The following ALOX5 variants were observed in gnomAD, a reference collection of about 807,000 sequenced individuals.
ALOX5 encodes polyunsaturated fatty acid 5-lipoxygenase.
A neutral mutation model predicts 87.9 loss-of-function variants in ALOX5; 64 were observed. That is an observed-to-expected ratio of 0.73 (90% CI 0.60 to 0.90). ALOX5 has a LOEUF of 0.90. Among genes scored for constraint, ALOX5 ranks in the 40% least tolerant of loss-of-function variants. The pLI is 0.00. For synonymous variants in ALOX5, 388 were observed against 355.1 expected (o/e 1.09, Z -1.04); for missense variants, 822 against 907.5 (o/e 0.91, Z 1.21).
rs1424670795 is a variant in ALOX5, at chr10:45,443,099, C to T, written c.1334C>T (p.Thr445Ile). 6.2e-7 allele frequency: 1 copy of T among 1,613,810 alleles called. No homozygotes were observed. The highest frequency in any genetic ancestry group is 1.3e-5 in the African/African-American group (1 of 75,056). Residue 445 changes from threonine (T) to isoleucine (I), a missense_variant, in exon 10 of 14, where the codon ACC becomes ATC. Transcript: ENST00000374391. ...GTGCAGAGGGCCATGAAGGACCTGA[C>T]CTATGCCTCCCTGTGCTTTCCCGAG... The part of the protein sequence containing the change: ...QMVQRAMKDL[T>I]YASLCFPEAI...
At chr10:45,408,988 G>A (rs1371490130) in intron 3 of ALOX5, among the ~76,000 whole-genome samples, 1 of 152,102 alleles carries the variant, frequency 6.6e-6, no homozygotes, top group Non-Finnish European at 1.5e-5. Flanking sequence ...TTTAAATTCA[G>A]CCTAAAAGTT....
At chr10:45,403,472 G>A (rs1452979804) in intron 3 of ALOX5, among the ~76,000 whole-genome samples, 2 of 152,186 alleles carry the variant, frequency 1.3e-5, no homozygotes, top group Admixed American at 6.5e-5. Context: ...GGGGATGGAA[G>A]GAGGGTTGAT....
intron 1 of ALOX5, among the ~76,000 whole-genome samples, chr10:45,376,335 G>A (rs1319941764): frequency 4.6e-5 from 7 of 151,698 alleles, no homozygotes; most frequent in Admixed American, 2.0e-4. Flanking sequence ...GGGGTGGGGC[G>A]GGGGGTGGTT....
Position 45,445,706 on chromosome 10 carries a change from T to A in ALOX5, c.*19T>A, listed in dbSNP as rs1842419158. On this transcript the variant is annotated 3_prime_UTR_variant, in exon 14 of 14. Coordinates refer to ENST00000374391, the MANE Select transcript of ALOX5 (RefSeq NM_000698.5). The stretch of plus-strand genomic sequence containing the variant: ...CATCTGAGCACACTGCCAGTCTCAC[T>A]GTGGGAAGGCCAGCTGCCCCAGCCA... The A allele has an allele frequency of 6.3e-7, 1 of 1,595,386 alleles. No homozygotes were observed.
chr10:45,421,456 C>T (rs531034927), intron 4 of ALOX5, among the ~76,000 whole-genome samples: 1 of 152,250 alleles, frequency 6.6e-6, no homozygotes, highest in Admixed American at 6.5e-5. Context: ...ACAGGGCTCT[C>T]GGGGCCTGCG....
intron 1 of ALOX5, among the ~76,000 whole-genome samples, chr10:45,374,668 C>T (rs1839524560): frequency 6.6e-6 from 1 of 152,206 alleles, no homozygotes; most frequent in Admixed American, 6.5e-5. Context: ...GCCGCGACCC[C>T]TGTCGGAAAC....
At position 45,446,028 on chromosome 10, in the gene ALOX5, C is replaced by A; in HGVS notation, c.*341C>A. ...TTTTCTGTTCTATTTGTGCTTAGTCCAATTCCTTGCACATAGTAGGTACCC... is the reference window on the plus strand; with the variant it reads ...TTTTCTGTTCTATTTGTGCTTAGTCAAATTCCTTGCACATAGTAGGTACCC... On this transcript the variant is annotated 3_prime_UTR_variant, in exon 14 of 14. Transcript: ENST00000374391. The A allele has an allele frequency of 3.4e-6, 1 of 291,582 alleles. No homozygotes were observed. Among genetic ancestry groups the A allele is most frequent in the East Asian group, 6.1e-5 (1 of 16,512 alleles). The allele number at this position is 291,582 out of a possible 1,614,324, so 18.1% of individuals were successfully genotyped here. A position where few individuals can be genotyped will look rare whatever the true frequency, so the allele number is the denominator to read the frequency against.
intron 6 of ALOX5, among the ~76,000 whole-genome samples, chr10:45,426,138 T>C (rs1488505369): frequency 6.6e-6 from 1 of 152,244 alleles, no homozygotes; most frequent in Non-Finnish European, 1.5e-5. Context: ...GTGGACTGAA[T>C]TGCTAGATGT....
chr10:45,441,702 G>T (rs1842240906), intron 9 of ALOX5: 4 of 467,468 alleles, frequency 8.6e-6, no homozygotes, highest in Non-Finnish European at 1.5e-5. Context: ...TGGGACCTGG[G>T]TGTAGACCCC....
At chr10:45,402,417 G>T (rs1231012402) in intron 3 of ALOX5, among the ~76,000 whole-genome samples, 7 of 152,136 alleles carry the variant, frequency 4.6e-5, no homozygotes, top group Non-Finnish European at 7.3e-5. Context: ...TGCTACGGAG[G>T]GCTCGGCTGA....
intron 2 of ALOX5, among the ~76,000 whole-genome samples, chr10:45,391,383 A>G (rs371752004): frequency 9.7e-5 from 14 of 144,988 alleles, no homozygotes; most frequent in South Asian, 2.2e-4. Flanking sequence ...ACGGAGTCTC[A>G]TTCACTCAGT....
intron 4 of ALOX5, among the ~76,000 whole-genome samples, chr10:45,418,300 G>GA (rs1215595570): frequency 6.6e-6 from 1 of 152,106 alleles, no homozygotes; most frequent in Non-Finnish European, 1.5e-5. Flanking sequence ...GGGGGTTGGG[G>GA]GGACCCTAGG....
chr10:45,399,250 C>A (rs1840615811), intron 3 of ALOX5, among the ~76,000 whole-genome samples: 1 of 152,110 alleles, frequency 6.6e-6, no homozygotes, highest in Admixed American at 6.5e-5. Flanking sequence ...AAAGAAAAAT[C>A]TGTACAGATA....
At chr10:45,382,357 A>T in intron 1 of ALOX5, 126 bp from the exon 2 acceptor site, 16 of 949,536 alleles carry the variant, frequency 1.7e-5, no homozygotes, top group Admixed American at 1.6e-4. Flanking sequence ...CTGTTTTTTT[A>T]AGTGCTTTTC....
At chr10:45,417,772 G>A (rs1177337026) in intron 4 of ALOX5, among the ~76,000 whole-genome samples, 1 of 152,180 alleles carries the variant, frequency 6.6e-6, no homozygotes, top group Non-Finnish European at 1.5e-5. Context: ...ATGCTCCACC[G>A]TGGGGAGCCA....
intron 2 of ALOX5, among the ~76,000 whole-genome samples, chr10:45,394,180 C>T (rs1840410791): frequency 6.6e-6 from 1 of 152,214 alleles, no homozygotes; most frequent in South Asian, 2.1e-4. Flanking sequence ...AAGCTGGAGG[C>T]ATCATGCTAC....
At chr10:45,423,382 T>C (rs927517587) in intron 4 of ALOX5, among the ~76,000 whole-genome samples, 1 of 152,340 alleles carries the variant, frequency 6.6e-6, no homozygotes, top group East Asian at 1.9e-4. Flanking sequence ...TGTCCTGCAC[T>C]CTGCAGGGTT....
At chr10:45,444,467 G>A in intron 13 of ALOX5, 181 bp downstream of exon 13, 1 of 839,938 alleles carries the variant, frequency 1.2e-6, no homozygotes, top group Non-Finnish European at 1.8e-6. Flanking sequence ...AGCCTGGACA[G>A]AGCTCAGGGT....
In ALOX5 at chr10:45,438,890, C is replaced by A. The variant is rs79643836; in HGVS notation, c.982-1540C>A. On this transcript the variant is annotated intron_variant, in intron 7 of 13. Transcript: ENST00000374391. ...CACTCTGCTCTCCCTCCTCCCTCCCCCCTCCTTGGTCCTCAGGGAGTGCTG... is the reference window on the plus strand; with the variant it reads ...CACTCTGCTCTCCCTCCTCCCTCCCACCTCCTTGGTCCTCAGGGAGTGCTG... 3.8e-3 allele frequency among the ~76,000 whole-genome samples: 580 copies of A among 152,296 alleles called. 12 individuals are homozygous for A. The East Asian group carries it at 0.053, about 14-fold the overall frequency.
Sources: allele counts gnomAD v4.1 joint callset (sites outside exome capture counted in the v4.1 genomes callset), GRCh38; gene constraint gnomAD v4.1.1; transcripts MANE v1.5; gene names NCBI Gene and HGNC (gene_info 2026-07-23, HGNC 2026-07-21).